The following SIPA1L3 variants were observed in gnomAD, a reference collection of about 807,000 sequenced individuals.
The protein encoded by SIPA1L3 is signal-induced proliferation-associated 1-like protein 3.
SIPA1L3 carries 59 observed loss-of-function variants against 150.1 expected under a neutral mutation model. The observed-to-expected ratio is 0.39, with a 90% CI of 0.32 to 0.49. The LOEUF (loss-of-function observed/expected upper bound fraction) is 0.49, where lower values mean the gene tolerates loss of function less well. Ranked by LOEUF, SIPA1L3 falls within the 20% of genes least tolerant of loss-of-function variation. The probability of loss-of-function intolerance (pLI) is 0.86; values close to 1 mark genes in which losing one functional copy is unlikely to be tolerated. For synonymous variants in SIPA1L3, 1,070 were observed against 1,077.6 expected (o/e 0.99, Z 0.14); for missense variants, 2,211 against 2,489.5 (o/e 0.89, Z 2.38).
At position 38,100,405 on chromosome 19, in the gene SIPA1L3, A is replaced by G. The variant is rs3760882; in HGVS notation, c.1854+255A>G. Among the ~76,000 whole-genome samples, 23,303 of 152,002 alleles carry G rather than the reference A, an allele frequency of 0.15. 1,875 individuals carry two copies. The highest frequency in any genetic ancestry group is 0.19 in the African/African-American group (8,023 of 41,454). ...TAGGTCCCCATGTGTGCATGCATAT[A>G]TGTGTCTATAGTGGGGGGTTAGTGT... On this transcript the variant is annotated intron_variant, in intron 5 of 21. Coordinates refer to ENST00000222345, the MANE Select transcript of SIPA1L3 (RefSeq NM_015073.3).
intron 2 of SIPA1L3, among the ~76,000 whole-genome samples, chr19:38,053,443 A>G (rs1004183140): frequency 6.6e-6 from 1 of 152,224 alleles, no homozygotes; most frequent in Admixed American, 6.5e-5. Context: ...CCAGGAATCC[A>G]TATAATAGTG....
chr19:37,983,518 GA>G (rs79567119), intron 1 of SIPA1L3, among the ~76,000 whole-genome samples: 7,786 of 152,230 alleles, frequency 0.051, 253 homozygotes, highest in East Asian at 0.11. Context: ...AAGAGTAACC[GA>G]GTCTTAGCCT....
Position 38,163,319 on chromosome 19 carries a change from G to A in SIPA1L3, c.3780+948G>A, listed in dbSNP as rs144490940. Among the ~76,000 whole-genome samples, 751 of 152,040 alleles carry A rather than the reference G, an allele frequency of 4.9e-3. 7 individuals are homozygous for A. The highest frequency in any genetic ancestry group is 4.8e-3 in the Non-Finnish European group (329 of 67,974). On this transcript the variant is annotated intron_variant, in intron 14 of 21. Coordinates refer to ENST00000222345, the MANE Select transcript of SIPA1L3 (RefSeq NM_015073.3). ...AGCCTGGGCAACCTAGTAAAACCCC[G>A]TCTCTACTAAAAATACAAAAATTAG...
intron 20 of SIPA1L3, 167 bp from the exon 21 acceptor site, chr19:38,203,960 T>C: frequency 1.7e-6 from 1 of 604,570 alleles, no homozygotes; most frequent in East Asian, 2.8e-5. Flanking sequence ...GGGTGGAGTG[T>C]GCCGGGTGGA....
At chr19:37,946,344 G>A (rs1424747679) in intron 1 of SIPA1L3, among the ~76,000 whole-genome samples, 2 of 151,916 alleles carry the variant, frequency 1.3e-5, no homozygotes, top group African/African-American at 4.8e-5. Context: ...TGTTGCCCAG[G>A]CTGGTCTTGA....
At chr19:38,070,242 C>T (rs965615830) in intron 2 of SIPA1L3, among the ~76,000 whole-genome samples, 3 of 122,808 alleles carry the variant, frequency 2.4e-5, no homozygotes, top group Admixed American at 1.6e-4. Flanking sequence ...CAGGGTCTTG[C>T]TCTGTCACCC....
In SIPA1L3 at chr19:38,198,386, C is replaced by T. The variant is rs1459464595; in HGVS notation, c.4841-3C>T. The stretch of plus-strand genomic sequence containing the variant: ...CACTGCCATCTCCACCCTCCCCATC[C>T]AGCCACCATCTCAGCCTCGGAGCTC... On this transcript the variant is annotated splice_polypyrimidine_tract_variant and splice_region_variant and intron_variant, in intron 18 of 21. Coordinates refer to ENST00000222345, the MANE Select transcript of SIPA1L3 (RefSeq NM_015073.3). 1.9e-6 allele frequency: 3 copies of T among 1,543,138 alleles called. No individual in the cohort carries two copies. The highest frequency in any genetic ancestry group is 2.6e-6 in the Non-Finnish European group (3 of 1,146,512).
intron 15 of SIPA1L3, among the ~76,000 whole-genome samples, chr19:38,170,197 CAG>C (rs1480300085): frequency 6.6e-6 from 1 of 152,174 alleles, no homozygotes; most frequent in Non-Finnish European, 1.5e-5. Context: ...GCAGTCCAGA[CAG>C]AGAATGAGAC....
chr19:38,130,890 A>G, intron 10 of SIPA1L3, 118 bp downstream of exon 10: 1 of 1,116,210 alleles, frequency 9.0e-7, no homozygotes, highest in Non-Finnish European at 1.3e-6. Flanking sequence ...AGGCCCTTCT[A>G]GGCAGGAATA....
intron 17 of SIPA1L3, among the ~76,000 whole-genome samples, chr19:38,193,279 G>A (rs1047255774): frequency 6.6e-6 from 1 of 150,710 alleles, no homozygotes; most frequent in East Asian, 2.0e-4. Context: ...AGCCCAGGAG[G>A]TCAAGGTTGT....
At chr19:37,938,456 T>C (rs2046621210) in intron 1 of SIPA1L3, among the ~76,000 whole-genome samples, 1 of 152,180 alleles carries the variant, frequency 6.6e-6, no homozygotes, top group African/African-American at 2.4e-5. Context: ...TCACATTTGG[T>C]TTTGTAAAAC....
intron 3 of SIPA1L3, among the ~76,000 whole-genome samples, chr19:38,086,168 A>G (rs1330642594): frequency 6.6e-6 from 1 of 152,112 alleles, no homozygotes; most frequent in Non-Finnish European, 1.5e-5. Context: ...TACACTGTAT[A>G]TGTATTAACT....
Position 38,198,405 on chromosome 19 carries a change from G to C in SIPA1L3, c.4857G>C (p.Ser1619=). The C allele has an allele frequency of 6.4e-7, 1 of 1,574,000 alleles. No individual in the cohort carries two copies. Among genetic ancestry groups the C allele is most frequent in the Non-Finnish European group, 8.6e-7 (1 of 1,162,216 alleles). The change falls in exon 19 of 22, where the codon TCG becomes TCC. Residue 1619 remains serine (S), a synonymous_variant. Transcript: ENST00000222345. ...CCCATCCAGCCACCATCTCAGCCTC[G>C]GAGCTCTCGCTGGCTGATGGGCGGG... The part of the protein sequence containing the change: ...FPEKKSTISA[S]ELSLADGRDR...
At chr19:38,102,935 G>A (rs1233894671) in intron 6 of SIPA1L3, among the ~76,000 whole-genome samples, 1 of 152,058 alleles carries the variant, frequency 6.6e-6, no homozygotes, top group African/African-American at 2.4e-5. Context: ...GACCAGCCTG[G>A]CCAAAATGGT....
intron 1 of SIPA1L3, among the ~76,000 whole-genome samples, chr19:38,000,239 G>A (rs1967749421): frequency 6.6e-6 from 1 of 152,000 alleles, no homozygotes; most frequent in Non-Finnish European, 1.5e-5. Flanking sequence ...GGCCGAGACG[G>A]GTGGATCACC....
chr19:38,027,113 G>A (rs761829752), intron 1 of SIPA1L3, among the ~76,000 whole-genome samples: 2 of 152,112 alleles, frequency 1.3e-5, no homozygotes, highest in African/African-American at 4.8e-5. Flanking sequence ...ACAACGTGAC[G>A]AAACCCCATC....
chr19:38,167,434 G>T (rs1045322487), intron 15 of SIPA1L3, among the ~76,000 whole-genome samples: 1 of 152,084 alleles, frequency 6.6e-6, no homozygotes, highest in African/African-American at 2.4e-5. Context: ...CACTTCCCCG[G>T]GCACACTGTG....
chr19:37,934,657 G>A (rs2046584406), intron 1 of SIPA1L3, among the ~76,000 whole-genome samples: 1 of 149,772 alleles, frequency 6.7e-6, no homozygotes, highest in African/African-American at 2.5e-5. Context: ...GTCCTTTTTT[G>A]TGCCCACCCC....
chr19:38,080,025 G>C (rs903306001), intron 2 of SIPA1L3, among the ~76,000 whole-genome samples: 12 of 152,186 alleles, frequency 7.9e-5, no homozygotes, highest in Non-Finnish European at 1.2e-4. Context: ...CAGATCCTGC[G>C]GGGCTTGTGG....
Sources: gnomAD v4.1 joint callset for allele counts (sites outside exome capture counted in the v4.1 genomes callset) on GRCh38, gnomAD v4.1.1 for gene constraint, MANE v1.5 for transcripts, NCBI Gene and HGNC (gene_info 2026-07-23, HGNC 2026-07-21) for gene names.